CCBE1: variants seen among roughly 807,000 people sequenced by gnomAD.
CCBE1 encodes collagen and calcium-binding EGF domain-containing protein 1.
In CCBE1, 37 loss-of-function variants were observed where a neutral mutation model predicts 50.0. That is an observed-to-expected ratio of 0.74 (90% CI 0.57 to 0.97). CCBE1 has a LOEUF of 0.97. Among genes scored for constraint, CCBE1 ranks in the 50% least tolerant of loss-of-function variants. CCBE1 has a pLI of 0.00. For synonymous variants in CCBE1, 234 were observed against 203.7 expected, an observed-to-expected ratio of 1.15 and a Z score of -1.27; for missense variants, 538 against 523.8, an observed-to-expected ratio of 1.03 and a Z score of -0.26.
At chr18:59,502,283 C>T (rs35898599) in intron 2 of CCBE1, among the ~76,000 whole-genome samples, 1 of 152,332 alleles carries the variant, frequency 6.6e-6, no homozygotes, top group African/African-American at 2.4e-5. Context: ...CTATGCTGAG[C>T]AACTGCACCC....
At chr18:59,445,376 GTTT>G in intron 7 of CCBE1, among the ~76,000 whole-genome samples, 1 of 152,124 alleles carries the variant, frequency 6.6e-6, no homozygotes, top group Non-Finnish European at 1.5e-5. Context: ...CTTAGTAAAT[GTTT>G]TTTACTAAGT....
At chr18:59,556,178 G>T (rs1455605690) in intron 2 of CCBE1, among the ~76,000 whole-genome samples, 1 of 152,178 alleles carries the variant, frequency 6.6e-6, no homozygotes, top group Non-Finnish European at 1.5e-5. Flanking sequence ...TACCTGCTGT[G>T]GCATTGTCAT....
At chr18:59,449,236 C>T (rs1206906942) in intron 6 of CCBE1, among the ~76,000 whole-genome samples, 1 of 152,104 alleles carries the variant, frequency 6.6e-6, no homozygotes, top group Non-Finnish European at 1.5e-5. Context: ...GGGATGGTAA[C>T]GGCCACCTAG....
intron 2 of CCBE1, among the ~76,000 whole-genome samples, chr18:59,609,697 G>A (rs79752135): frequency 0.043 from 6,489 of 152,214 alleles, 368 homozygotes; most frequent in African/African-American, 0.13. Context: ...CATTCTTCAT[G>A]TGTTATGTTT....
At chr18:59,656,697 T>C (rs1449086054) in intron 2 of CCBE1, among the ~76,000 whole-genome samples, 1 of 152,186 alleles carries the variant, frequency 6.6e-6, no homozygotes, top group Non-Finnish European at 1.5e-5. Context: ...GCATTTTTAG[T>C]GATAGAGTTG....
At position 59,555,444 on chromosome 18, in the gene CCBE1, G is replaced by A. The variant is rs187365063; in HGVS notation, c.213-75206C>T. 4.9e-3 allele frequency among the ~76,000 whole-genome samples: 745 copies of A among 152,228 alleles called. 3 individuals carry two copies. The highest frequency in any genetic ancestry group is 6.2e-3 in the Non-Finnish European group (423 of 68,030). On this transcript the variant is annotated intron_variant, in intron 2 of 10. Transcript: ENST00000439986. ...TTCCATCTCTGCTCCATAAGCCCAG[G>A]TCCAGTGTCATAATTCAGGAATTTG...
intron 9 of CCBE1, 74 bp from the exon 10 acceptor site, chr18:59,438,220 C>G (rs891952386): frequency 8.0e-7 from 1 of 1,252,548 alleles, no homozygotes; most frequent in Non-Finnish European, 1.2e-6. Context: ...TTTATACACC[C>G]ACCATAACCA....
chr18:59,483,804 A>G (rs79912088), intron 2 of CCBE1, among the ~76,000 whole-genome samples: 2,941 of 152,264 alleles, frequency 0.019, 84 homozygotes, highest in African/African-American at 0.066. Context: ...TCAATATAAA[A>G]ACAGTGGCAT....
At chr18:59,550,998 CAAAAAAAAAAAAAAAAAAA>C (rs555160847) in intron 2 of CCBE1, among the ~76,000 whole-genome samples, 1 of 71,362 alleles carries the variant, frequency 1.4e-5, no homozygotes, top group Non-Finnish European at 2.6e-5. Context: ...CAGCGAGACT[CAAAAAAAAAAAAAAAAAAA>C]AAAAAAAAAA....
chr18:59,693,811 ATTGTT>A (rs2054768588), intron 2 of CCBE1, among the ~76,000 whole-genome samples: 1 of 145,824 alleles, frequency 6.9e-6, no homozygotes, highest in Non-Finnish European at 1.5e-5. Context: ...CTCAGTGAAA[ATTGTT>A]TTATTAGTGT....
At position 59,518,396 on chromosome 18, in the gene CCBE1, C is replaced by A. The variant is rs189464086; in HGVS notation, c.213-38158G>T. On this transcript the variant is annotated intron_variant, in intron 2 of 10. Coordinates refer to ENST00000439986, the MANE Select transcript of CCBE1 (RefSeq NM_133459.4). ...ATTCTAGCTACTTGGGAGGCTGTGGCCGAAGGATCACTTGAACTTGGGAGG... is the reference window on the plus strand; with the variant it reads ...ATTCTAGCTACTTGGGAGGCTGTGGACGAAGGATCACTTGAACTTGGGAGG... 3.3e-5 allele frequency among the ~76,000 whole-genome samples: 5 copies of A among 152,250 alleles called. 1 individual carries two copies. In the East Asian group the frequency reaches 9.7e-4, roughly 29 times the overall value.
chr18:59,464,783 C>T (rs1188046467), intron 5 of CCBE1: 12 of 152,286 alleles, frequency 7.9e-5, no homozygotes, highest in Admixed American at 7.9e-4. Context: ...TGGCTGCTGC[C>T]TTCTAGCCCT....
In CCBE1 at chr18:59,489,481, G is replaced by T. The variant is rs144857924; in HGVS notation, c.213-9243C>A. Among the ~76,000 whole-genome samples the T allele has an allele frequency of 6.6e-5, 10 of 151,874 alleles. No homozygotes were observed. In the East Asian group the frequency reaches 1.9e-3, roughly 29 times the overall value. ...CATGCTGGAGTGCAGTGGTACAATCGCAGCTCACTGCAACCTCTACCTCCT... is the reference window on the plus strand; with the variant it reads ...CATGCTGGAGTGCAGTGGTACAATCTCAGCTCACTGCAACCTCTACCTCCT... On this transcript the variant is annotated intron_variant, in intron 2 of 10. Coordinates refer to ENST00000439986, the MANE Select transcript of CCBE1 (RefSeq NM_133459.4).
At chr18:59,492,761 G>A (rs1025188064) in intron 2 of CCBE1, among the ~76,000 whole-genome samples, 9 of 152,192 alleles carry the variant, frequency 5.9e-5, no homozygotes, top group African/African-American at 2.2e-4. Flanking sequence ...AATGACAGAA[G>A]GAAATGGAAG....
chr18:59,680,711 AAAAAC>A (rs540169724), intron 2 of CCBE1, among the ~76,000 whole-genome samples: 75 of 152,222 alleles, frequency 4.9e-4, no homozygotes, highest in East Asian at 4.1e-3. Context: ...AAAAAAAAGA[AAAAAC>A]AAAACAAAAC....
At chr18:59,618,488 G>A (rs564293432) in intron 2 of CCBE1, among the ~76,000 whole-genome samples, 4 of 150,176 alleles carry the variant, frequency 2.7e-5, no homozygotes, top group Admixed American at 6.6e-5. Flanking sequence ...AGACTGGAGC[G>A]CAGTGGCACA....
At chr18:59,616,095 T>A (rs546984910) in intron 2 of CCBE1, among the ~76,000 whole-genome samples, 2 of 152,218 alleles carry the variant, frequency 1.3e-5, no homozygotes, top group South Asian at 4.2e-4. Flanking sequence ...TCTTGGGGCA[T>A]CCCAACCTGA....
rs573564255 is a variant in CCBE1, at chr18:59,434,601, T to G, written c.*1307A>C. 6.6e-6 allele frequency: 1 copy of G among 152,196 alleles called. No individual in the cohort carries two copies. The highest frequency in any genetic ancestry group is 2.4e-5 in the African/African-American group (1 of 41,442). 9.4% of individuals were successfully genotyped at this position (152,196 alleles called of 1,614,324 possible). A position where few individuals can be genotyped will look rare whatever the true frequency, so the allele number is the denominator to read the frequency against. On this transcript the variant is annotated 3_prime_UTR_variant, in exon 11 of 11. Coordinates refer to ENST00000439986, the MANE Select transcript of CCBE1 (RefSeq NM_133459.4). Reference sequence around the variant, plus strand: ...TCTAACTCACTAGGAGGTGGAGATATAGACCTTTTTCTGAACTGCTTCTCA... The same window carrying G: ...TCTAACTCACTAGGAGGTGGAGATAGAGACCTTTTTCTGAACTGCTTCTCA...
At position 59,442,745 on chromosome 18, in the gene CCBE1, TA is replaced by T. The variant is rs200578408; in HGVS notation, c.776-2930del. 9.7e-3 allele frequency among the ~76,000 whole-genome samples: 1,480 copies of T among 152,040 alleles called. 23 individuals are homozygous for T. Among genetic ancestry groups the T allele is most frequent in the African/African-American group, 0.034 (1,397 of 41,476 alleles). ...TCCATCTCAAAAATAAATAAATAAA[TA>T]AAAATAAAAATTGGGAGATTTCATA... On this transcript the variant is annotated intron_variant, in intron 7 of 10. Transcript: ENST00000439986.
Sources: allele counts gnomAD v4.1 joint callset (sites outside exome capture counted in the v4.1 genomes callset), GRCh38; gene constraint gnomAD v4.1.1; transcripts MANE v1.5; gene names NCBI Gene and HGNC (gene_info 2026-07-23, HGNC 2026-07-21).